The following PIK3R3 variants were observed in gnomAD, a reference collection of about 807,000 sequenced individuals.
PIK3R3 encodes phosphoinositide-3-kinase regulatory subunit 3.
Under a neutral mutation model 62.9 loss-of-function variants are expected in PIK3R3, and 64 were observed. The ratio of observed to expected loss-of-function variants is 1.02; its 90% CI spans 0.83 to 1.25. The LOEUF is 1.25. Ranked by LOEUF, PIK3R3 falls within the 50% of genes most tolerant of loss-of-function variation. PIK3R3 has a pLI of 0.00. For missense variants in PIK3R3, 614 were observed against 561.6 expected (o/e 1.09, Z -0.94); for synonymous variants, 165 against 189.0 (o/e 0.87, Z 1.04).
intron 5 of PIK3R3, among the ~76,000 whole-genome samples, chr1:46,064,812 T>A (rs1648845424): frequency 6.6e-6 from 1 of 152,154 alleles, no homozygotes; most frequent in South Asian, 2.1e-4. Context: ...CTTTAAATGC[T>A]TATTTTAGAA....
At chr1:46,116,322 G>A (rs1051630284) in intron 1 of PIK3R3, among the ~76,000 whole-genome samples, 1 of 151,846 alleles carries the variant, frequency 6.6e-6, no homozygotes, top group Non-Finnish European at 1.5e-5. Context: ...ACCATCCTGG[G>A]AAACACAGTG....
At chr1:46,106,654 A>G (rs779187980) in intron 1 of PIK3R3, among the ~76,000 whole-genome samples, 8 of 152,238 alleles carry the variant, frequency 5.3e-5, no homozygotes, top group Non-Finnish European at 1.0e-4. Context: ...TTCATGACTC[A>G]ACTTGGAAAG....
chr1:46,126,211 A>T (rs1051738604), intron 1 of PIK3R3, among the ~76,000 whole-genome samples: 1 of 152,130 alleles, frequency 6.6e-6, no homozygotes, highest in Non-Finnish European at 1.5e-5. Flanking sequence ...ATATCTCAGT[A>T]GACTCAATGC....
chr1:46,138,955 C>T, the PIK3R3 span: 2 of 152,202 alleles, frequency 1.3e-5, no homozygotes, highest in African/African-American at 2.4e-5. Flanking sequence ...AAACTTCATT[C>T]GGGACCCTAT....
intron 1 of PIK3R3, among the ~76,000 whole-genome samples, chr1:46,124,863 C>G (rs940850955): frequency 6.6e-6 from 1 of 150,784 alleles, no homozygotes; most frequent in Non-Finnish European, 1.5e-5. Flanking sequence ...TTTGGGAGGC[C>G]GAGGCGGGTG....
Position 46,042,262 on chromosome 1 carries a change from G to A in PIK3R3, c.*1411C>T. On this transcript the variant is annotated 3_prime_UTR_variant, in exon 10 of 10. Transcript: ENST00000262741. The surrounding 1 kb of genome is among the most constrained non-coding windows in gnomAD (Gnocchi z 4.3). ...AAGGCTTAAGCCACATGGAGCAGAA[G>A]ATTCCTGGCCTAAAATCAAGGCCAC... 1 of 228,120 alleles carries A rather than the reference G, an allele frequency of 4.4e-6. No individual in the cohort carries two copies. Among genetic ancestry groups the A allele is most frequent in the Non-Finnish European group, 8.7e-6 (1 of 114,816 alleles). 14.1% of individuals were successfully genotyped at this position (228,120 alleles called of 1,614,324 possible). A position where few individuals can be genotyped will look rare whatever the true frequency, so the allele number is the denominator to read the frequency against.
chr1:46,143,326 A>AT, the PIK3R3 span, among the ~76,000 whole-genome samples: 1 of 152,028 alleles, frequency 6.6e-6, no homozygotes, highest in Non-Finnish European at 1.5e-5. Flanking sequence ...TTTTGTGTTT[A>AT]TTTTTTTAAT....
intron 1 of PIK3R3, among the ~76,000 whole-genome samples, chr1:46,101,584 T>C (rs994021508): frequency 6.6e-6 from 1 of 152,232 alleles, no homozygotes; most frequent in Admixed American, 6.5e-5. Flanking sequence ...GTGGTCTATA[T>C]GTACAATGCG....
At chr1:46,058,967 T>G (rs1384366096) in intron 6 of PIK3R3, among the ~76,000 whole-genome samples, 4 of 152,198 alleles carry the variant, frequency 2.6e-5, no homozygotes, top group Non-Finnish European at 5.9e-5. Context: ...AATCTCCTCT[T>G]GAATTGTACT....
At chr1:46,171,409 A>G in the PIK3R3 span, among the ~76,000 whole-genome samples, 1 of 152,214 alleles carries the variant, frequency 6.6e-6, no homozygotes, top group African/African-American at 2.4e-5. Context: ...AGGTGTGGGA[A>G]GAAGGGTTAA....
At chr1:46,090,042 G>C (rs1237747193) in intron 1 of PIK3R3, among the ~76,000 whole-genome samples, 1 of 152,324 alleles carries the variant, frequency 6.6e-6, no homozygotes, top group South Asian at 2.1e-4. Flanking sequence ...AGTGGCAGAA[G>C]AGAGGGTAGG....
At chr1:46,115,412 T>C (rs572913768) in intron 1 of PIK3R3, among the ~76,000 whole-genome samples, 2 of 152,320 alleles carry the variant, frequency 1.3e-5, no homozygotes, top group East Asian at 3.9e-4. Flanking sequence ...GAAAATGTAC[T>C]AGAAAATACA....
At chr1:46,133,210 G>A (rs1191455426), upstream of PIK3R3, among the ~76,000 whole-genome samples, 2 of 152,226 alleles carry the variant, frequency 1.3e-5, no homozygotes, top group Admixed American at 6.5e-5. Flanking sequence ...AAGAAAAGAG[G>A]AGGAAAAAAA....
the PIK3R3 span, among the ~76,000 whole-genome samples, chr1:46,155,427 A>G: frequency 6.6e-6 from 1 of 150,878 alleles, no homozygotes; most frequent in Non-Finnish European, 1.5e-5. Flanking sequence ...CTGCTCCACA[A>G]GTTTTGTTTC....
chr1:46,105,298 G>A lies in PIK3R3; in HGVS notation c.107-24548C>T, dbSNP rs1238409455. ...GAGGGCAGATCACGAGGTCAAGTTC[G>A]AGACCAACCTGGCCAACATGGTGAA... On this transcript the variant is annotated intron_variant, in intron 1 of 9. Coordinates refer to ENST00000262741, the MANE Select transcript of PIK3R3 (RefSeq NM_003629.4). 49 of 247,926 alleles carry A rather than the reference G, an allele frequency of 2.0e-4. No individual in the cohort carries two copies. In the Admixed American group the frequency reaches 2.6e-3, roughly 13 times the overall value. The allele number at this position is 247,926 out of a possible 1,614,324, so 15.4% of individuals were successfully genotyped here. A position where few individuals can be genotyped will look rare whatever the true frequency, so the allele number is the denominator to read the frequency against.
At chr1:46,101,980 CT>C (rs538688681) in intron 1 of PIK3R3, among the ~76,000 whole-genome samples, 2,021 of 89,686 alleles carry the variant, frequency 0.023, 12 homozygotes, top group African/African-American at 0.084. Context: ...GAATTGTATA[CT>C]TTTTTTTTTT....
At position 46,077,569 on chromosome 1, in the gene PIK3R3, A is replaced by G; in HGVS notation, c.260T>C (p.Phe87Ser). Reference sequence around the variant, plus strand: ...TTTTGTTGAGGCATCTCGGACCAAGAAGGTCCCATCTGGCATATCCCGCAA... The same window carrying G: ...TTTTGTTGAGGCATCTCGGACCAAGGAGGTCCCATCTGGCATATCCCGCAA... ...DKLRDMPDGT[F>S]LVRDASTKMQ... Residue 87 changes from phenylalanine to serine, a missense_variant, in exon 3 of 10, where the codon TTC becomes TCC. Transcript: ENST00000262741. 1 of 1,612,592 alleles carries G rather than the reference A, an allele frequency of 6.2e-7. No individual in the cohort carries two copies. Among genetic ancestry groups the G allele is most frequent in the Non-Finnish European group, 8.5e-7 (1 of 1,178,618 alleles).
chr1:46,048,692 G>A (rs1030935116), intron 7 of PIK3R3, among the ~76,000 whole-genome samples: 3 of 151,140 alleles, frequency 2.0e-5, no homozygotes, highest in Admixed American at 2.0e-4. Flanking sequence ...CACACACAAT[G>A]TTAGGAACTC....
chr1:46,077,229 T>C (rs1205115844), intron 3 of PIK3R3, among the ~76,000 whole-genome samples: 2 of 152,210 alleles, frequency 1.3e-5, no homozygotes, highest in African/African-American at 4.8e-5. Context: ...TGCCCATGAC[T>C]TCTACTTCCT....
Sources: gnomAD v4.1 joint callset for allele counts (sites outside exome capture counted in the v4.1 genomes callset) on GRCh38, gnomAD v4.1.1 for gene constraint, Gnocchi (gnomAD v3.1) non-coding constraint, MANE v1.5 for transcripts, NCBI Gene and HGNC (gene_info 2026-07-23, HGNC 2026-07-21) for gene names.